The following MARK4 variants were observed in gnomAD, a reference collection of about 807,000 sequenced individuals.
MARK4 encodes the protein MAP/microtubule affinity-regulating kinase 4.
In MARK4, 19 loss-of-function variants were observed where a neutral mutation model predicts 81.5. The ratio of observed to expected loss-of-function variants is 0.23; its 90% confidence interval spans 0.16 to 0.34. The LOEUF is 0.34. MARK4 is among the 10% of genes least tolerant of loss of function. The probability of loss-of-function intolerance (pLI) is 1.00; values close to 1 mark genes in which losing one functional copy is unlikely to be tolerated. For missense variants in MARK4, 772 were observed against 1,058.8 expected, an observed-to-expected ratio of 0.73 and a Z score of 3.76; for synonymous variants, 436 against 439.0, an observed-to-expected ratio of 0.99 and a Z score of 0.08.
chr19:45,294,083 C>T (rs1467468044), intron 13 of MARK4, among the ~76,000 whole-genome samples: 1 of 152,074 alleles, frequency 6.6e-6, no homozygotes, highest in Non-Finnish European at 1.5e-5. Flanking sequence ...GACAAGGATG[C>T]CCCCTGGAAA....
chr19:45,265,915 G>A (rs1408641299), intron 6 of MARK4, among the ~76,000 whole-genome samples: 1 of 152,040 alleles, frequency 6.6e-6, no homozygotes, highest in Non-Finnish European at 1.5e-5. Flanking sequence ...GCCCTGGTGA[G>A]TTGGGGCGGC....
intron 7 of MARK4, among the ~76,000 whole-genome samples, chr19:45,268,391 C>T (rs1970482426): frequency 6.6e-6 from 1 of 152,006 alleles, no homozygotes; most frequent in Admixed American, 6.6e-5. Flanking sequence ...CAAGACCAAC[C>T]TGGGCAACAC....
At chr19:45,285,203 G>A (rs1347416414) in intron 12 of MARK4, among the ~76,000 whole-genome samples, 1 of 146,778 alleles carries the variant, frequency 6.8e-6, no homozygotes, top group Non-Finnish European at 1.5e-5. Flanking sequence ...AGGTTGCAAT[G>A]AGTCCAGATC....
chr19:45,258,859 G>A lies in MARK4; in HGVS notation c.52-130G>A. 3 of 913,684 alleles carry A rather than the reference G, an allele frequency of 3.3e-6. No individual in the cohort carries two copies. The South Asian group carries it at 5.3e-5, about 16-fold the overall frequency. 56.6% of individuals were successfully genotyped at this position (913,684 alleles called of 1,614,324 possible). ...TTGTAGAGAAAGATGAAGGATGCTT[G>A]GCTCTCTGGGGCCTGAGTTTGAAAA... On this transcript the variant is annotated intron_variant, in intron 1 of 16. Coordinates refer to ENST00000262891, the MANE Select transcript of MARK4 (RefSeq NM_001199867.2).
chr19:45,274,707 G>A (rs956896781), intron 8 of MARK4, among the ~76,000 whole-genome samples: 4 of 152,120 alleles, frequency 2.6e-5, no homozygotes, highest in African/African-American at 7.2e-5. Flanking sequence ...GTGGGGAGGT[G>A]TTGTCACAGA....
At chr19:45,281,828 C>T (rs556417667) in intron 12 of MARK4, among the ~76,000 whole-genome samples, 124 of 152,302 alleles carry the variant, frequency 8.1e-4, no homozygotes, top group African/African-American at 2.9e-3. Flanking sequence ...TGCCTCCACA[C>T]TGAAGTAAAG....
intron 13 of MARK4, among the ~76,000 whole-genome samples, chr19:45,289,390 A>G (rs1970792519): frequency 6.7e-6 from 1 of 148,794 alleles, no homozygotes; most frequent in Non-Finnish European, 1.5e-5. Context: ...TGTTTCAAAA[A>G]AAAAAAAAAA....
At chr19:45,281,658 C>A (rs1422529475) in intron 12 of MARK4, among the ~76,000 whole-genome samples, 1 of 152,150 alleles carries the variant, frequency 6.6e-6, no homozygotes, top group African/African-American at 2.4e-5. Context: ...TGCACCCAGC[C>A]CCCAATTTCT....
At position 45,298,081 on chromosome 19, in the gene MARK4, C is replaced by A. The variant is rs374193784; in HGVS notation, c.1877+127C>A. Reference sequence around the variant, plus strand: ...TTCCTCCTCCTCCTCCTCCTCGTTTCCTCCTCCTCCTCCTCCTTTCCTCCT... The same window carrying A: ...TTCCTCCTCCTCCTCCTCCTCGTTTACTCCTCCTCCTCCTCCTTTCCTCCT... On this transcript the variant is annotated intron_variant, in intron 15 of 16. Transcript: ENST00000262891. 9.4e-5 allele frequency: 129 copies of A among 1,377,778 alleles called. No individual in the cohort carries two copies. In the African/African-American group the frequency reaches 1.5e-3, roughly 16 times the overall value. 85.3% of individuals were successfully genotyped at this position (1,377,778 alleles called of 1,614,324 possible).
chr19:45,263,020 C>G (rs1174400548), intron 2 of MARK4, 93 bp from the exon 3 acceptor site: 7 of 1,458,200 alleles, frequency 4.8e-6, no homozygotes, highest in Non-Finnish European at 6.6e-6. Flanking sequence ...CCGCCTTGGT[C>G]TTCCCAAAAT....
intron 12 of MARK4, among the ~76,000 whole-genome samples, chr19:45,284,325 C>A (rs1039771472): frequency 7.1e-6 from 1 of 140,486 alleles, no homozygotes; most frequent in Non-Finnish European, 1.6e-5. Flanking sequence ...GATTTCTTTT[C>A]TTTTTTTTTT....
intron 6 of MARK4, among the ~76,000 whole-genome samples, chr19:45,265,592 G>A (rs1001636650): frequency 8.0e-5 from 12 of 150,506 alleles, no homozygotes; most frequent in African/African-American, 2.7e-4. Context: ...GTGCCCAGGT[G>A]TGGGGTAAGA....
chr19:45,266,132 C>G, intron 6 of MARK4, 93 bp from the exon 7 acceptor site: 1 of 1,304,098 alleles, frequency 7.7e-7, no homozygotes, highest in Non-Finnish European at 1.1e-6. Flanking sequence ...CTTGGGGAGG[C>G]CTGGGGCCCA....
chr19:45,257,531 G>A (rs1314765984), intron 1 of MARK4, among the ~76,000 whole-genome samples: 2 of 148,760 alleles, frequency 1.3e-5, no homozygotes, highest in Non-Finnish European at 3.0e-5. Context: ...TTACAGGTGC[G>A]CGTCACCATG....
chr19:45,264,607 C>A, intron 4 of MARK4, 77 bp from the exon 5 acceptor site: 1 of 1,403,786 alleles, frequency 7.1e-7, no homozygotes, highest in Non-Finnish European at 1.0e-6. Context: ...ATGGTTGGCA[C>A]ATTTGCATAG....
chr19:45,302,364 C>T lies in MARK4; in HGVS notation c.1923-10C>T. On this transcript the variant is annotated splice_polypyrimidine_tract_variant and intron_variant, in intron 16 of 16. Coordinates refer to ENST00000262891, the MANE Select transcript of MARK4 (RefSeq NM_001199867.2). This position sits in a 1 kb window ranked among gnomAD's most constrained non-coding sequence, Gnocchi z 4.9. The stretch of plus-strand genomic sequence containing the variant: ...TCCCATCTCTGACCCCTGACATCTT[C>T]TCGCCTCAGTTGCCATCTACCTTGG... The T allele has an allele frequency of 6.2e-7, 1 of 1,614,120 alleles. No homozygotes were observed. Among genetic ancestry groups the T allele is most frequent in the African/African-American group, 1.3e-5 (1 of 75,062 alleles).
At chr19:45,287,762 T>TA in intron 13 of MARK4, 98 bp downstream of exon 13, 1 of 1,322,718 alleles carries the variant, frequency 7.6e-7, no homozygotes, top group Non-Finnish European at 1.1e-6. Context: ...AACTCCTTCT[T>TA]ACCAACTCCT....
chr19:45,281,582 T>C (rs1188546316), intron 12 of MARK4, among the ~76,000 whole-genome samples: 4 of 151,780 alleles, frequency 2.6e-5, no homozygotes, highest in East Asian at 1.9e-4. Context: ...GCTGCTCTTA[T>C]ACTCCTGACC....
At chr19:45,269,098 C>G (rs1405272862) in intron 7 of MARK4, among the ~76,000 whole-genome samples, 1 of 152,180 alleles carries the variant, frequency 6.6e-6, no homozygotes, top group Non-Finnish European at 1.5e-5. Flanking sequence ...AATCCCTGGC[C>G]TGGCGTGACG....
Sources: gnomAD v4.1 joint callset for allele counts (sites outside exome capture counted in the v4.1 genomes callset) on GRCh38, gnomAD v4.1.1 for gene constraint, Gnocchi (gnomAD v3.1) non-coding constraint, MANE v1.5 for transcripts, NCBI Gene and HGNC (gene_info 2026-07-23, HGNC 2026-07-21) for gene names.